Variants in AUTS2 observed in about 807,000 individuals in gnomAD.
The protein encoded by AUTS2 is activator of transcription and developmental regulator AUTS2.
A neutral mutation model predicts 112.4 loss-of-function variants in AUTS2; 17 were observed. The ratio of observed to expected loss-of-function variants is 0.15; its 90% CI spans 0.10 to 0.23. The LOEUF is 0.23. Among genes scored for constraint, AUTS2 ranks in the 10% least tolerant of loss-of-function variants. AUTS2 has a pLI of 1.00. For missense variants in AUTS2, 1,510 were observed against 1,701.6 expected, an observed-to-expected ratio of 0.89 and a Z score of 1.98; for synonymous variants, 751 against 702.7, an observed-to-expected ratio of 1.07 and a Z score of -1.09.
At chr7:69,900,208 T>TTA (rs1794914526) in intron 2 of AUTS2, among the ~76,000 whole-genome samples, 1 of 152,226 alleles carries the variant, frequency 6.6e-6, no homozygotes, top group African/African-American at 2.4e-5. Flanking sequence ...ATGAAGCTGT[T>TTA]TATAGCAGTT....
At chr7:69,762,919 T>C (rs953363086) in intron 1 of AUTS2, among the ~76,000 whole-genome samples, 2 of 152,202 alleles carry the variant, frequency 1.3e-5, no homozygotes, top group Non-Finnish European at 2.9e-5. Flanking sequence ...CTCATCACTG[T>C]GTAAAAAATG....
At chr7:69,717,551 TAGAGTATGGAG>T (rs1478565152) in intron 1 of AUTS2, among the ~76,000 whole-genome samples, 1 of 152,216 alleles carries the variant, frequency 6.6e-6, no homozygotes, top group Non-Finnish European at 1.5e-5. Context: ...GTGTGCTGTG[TAGAGTATGGAG>T]ACCAGAATGA....
intron 4 of AUTS2, among the ~76,000 whole-genome samples, chr7:70,210,171 C>T (rs932935846): frequency 2.0e-5 from 3 of 152,192 alleles, no homozygotes; most frequent in Non-Finnish European, 4.4e-5. Flanking sequence ...ACCCTTCTCA[C>T]TTCCCCACCT....
At chr7:70,137,927 T>G (rs527468015) in intron 4 of AUTS2, among the ~76,000 whole-genome samples, 1 of 152,322 alleles carries the variant, frequency 6.6e-6, no homozygotes, top group African/African-American at 2.4e-5. Context: ...AGCTTTTGTA[T>G]TTGATCAGTT....
intron 1 of AUTS2, among the ~76,000 whole-genome samples, chr7:69,623,284 A>G (rs115172763): frequency 6.6e-6 from 1 of 151,740 alleles, no homozygotes; most frequent in South Asian, 2.1e-4. Flanking sequence ...ATGTAGTGGG[A>G]CAGTCATGAC....
At chr7:69,772,647 T>C (rs566114071) in intron 1 of AUTS2, among the ~76,000 whole-genome samples, 2 of 152,326 alleles carry the variant, frequency 1.3e-5, no homozygotes, top group East Asian at 3.9e-4. Context: ...TTGCCCAGGC[T>C]GGTCTCAAAC....
At chr7:70,560,755 G>A (rs12538714) in intron 5 of AUTS2, among the ~76,000 whole-genome samples, 42,539 of 151,934 alleles carry the variant, frequency 0.28, 6,601 homozygotes, top group Admixed American at 0.41. Flanking sequence ...CTCCTTTTTT[G>A]TTTTTCCTAG....
At chr7:70,398,944 T>C (rs547682323) in intron 4 of AUTS2, among the ~76,000 whole-genome samples, 208 of 152,120 alleles carry the variant, frequency 1.4e-3, no homozygotes, top group African/African-American at 4.9e-3. Context: ...TTTTTGATGC[T>C]TTTTCTGCAA....
At position 69,895,550 on chromosome 7, in the gene AUTS2, C is replaced by CCG. The variant is rs1554400664; in HGVS notation, c.310-3735_310-3734insGC. 4.1e-5 allele frequency among the ~76,000 whole-genome samples: 6 copies of CCG among 147,132 alleles called. 1 individual carries two copies. The highest frequency in any genetic ancestry group is 3.6e-3 in the Middle Eastern group (1 of 280). ...ATCCTCTCTCTCTCTTCTTCCCCCC[C>CCG]CCCGAGTGGAAAATCTCAATATTAA... is the stretch of plus-strand genomic sequence containing the variant. On this transcript the variant is annotated intron_variant, in intron 1 of 18. Coordinates refer to ENST00000342771, the MANE Select transcript of AUTS2 (RefSeq NM_015570.4).
At chr7:70,378,850 A>G (rs1338001181) in intron 4 of AUTS2, among the ~76,000 whole-genome samples, 3 of 152,246 alleles carry the variant, frequency 2.0e-5, no homozygotes, top group Non-Finnish European at 4.4e-5. Flanking sequence ...AGTAAATCCT[A>G]GTGATGGACA....
intron 4 of AUTS2, among the ~76,000 whole-genome samples, chr7:70,411,901 C>CT (rs57907621): frequency 0.24 from 34,937 of 143,022 alleles, 4,765 homozygotes; most frequent in African/African-American, 0.37. Flanking sequence ...AAACTCTTTC[C>CT]TTTTTTTTTT....
At chr7:69,919,535 G>A (rs1489500616) in intron 2 of AUTS2, among the ~76,000 whole-genome samples, 3 of 152,244 alleles carry the variant, frequency 2.0e-5, no homozygotes, top group East Asian at 1.9e-4. Flanking sequence ...AGCAGTGTTT[G>A]TATTGCACAG....
chr7:70,572,540 C>T (rs1563049758), intron 5 of AUTS2, among the ~76,000 whole-genome samples: 1 of 152,068 alleles, frequency 6.6e-6, no homozygotes, highest in Non-Finnish European at 1.5e-5. Flanking sequence ...CATAATAAAG[C>T]ATTAAAGTTA....
chr7:70,237,052 C>T (rs1812364546), intron 4 of AUTS2, among the ~76,000 whole-genome samples: 2 of 152,132 alleles, frequency 1.3e-5, no homozygotes, highest in African/African-American at 4.8e-5. Flanking sequence ...AGATCCAGCC[C>T]CTTTGTTATT....
intron 2 of AUTS2, among the ~76,000 whole-genome samples, chr7:70,102,972 C>A (rs1048098690): frequency 3.3e-5 from 5 of 152,106 alleles, no homozygotes; most frequent in South Asian, 2.1e-4. Flanking sequence ...ATGTATTAGT[C>A]ATCCAGAATT....
At chr7:70,086,796 A>G (rs1289063954) in intron 2 of AUTS2, among the ~76,000 whole-genome samples, 3 of 152,144 alleles carry the variant, frequency 2.0e-5, no homozygotes, top group Non-Finnish European at 2.9e-5. Context: ...GTAAATGTAC[A>G]GTTAACTTTT....
intron 5 of AUTS2, among the ~76,000 whole-genome samples, chr7:70,647,449 G>A (rs2129541342): frequency 6.6e-6 from 1 of 152,286 alleles, no homozygotes; most frequent in African/African-American, 2.4e-5. Context: ...TGTGAGGAGT[G>A]GTTTGCTTTG....
At chr7:70,180,570 C>G (rs766560889) in intron 4 of AUTS2, among the ~76,000 whole-genome samples, 1 of 152,184 alleles carries the variant, frequency 6.6e-6, no homozygotes, top group Non-Finnish European at 1.5e-5. Flanking sequence ...CACTAGCTCC[C>G]TATGCCTTTT....
At chr7:70,739,210 A>T (rs1250808387) in intron 6 of AUTS2, among the ~76,000 whole-genome samples, 2 of 150,452 alleles carry the variant, frequency 1.3e-5, no homozygotes, top group African/African-American at 4.9e-5. Flanking sequence ...TTATGTTTTG[A>T]AGAGACAGGG....
Sources: allele counts gnomAD v4.1 joint callset (sites outside exome capture counted in the v4.1 genomes callset), GRCh38; gene constraint gnomAD v4.1.1; transcripts MANE v1.5; gene names NCBI Gene and HGNC (gene_info 2026-07-23, HGNC 2026-07-21).